PARD3B: variants seen among roughly 807,000 people sequenced by gnomAD.
PARD3B encodes the protein par-3 family cell polarity regulator beta, also known as partitioning defective 3 homolog B.
A neutral mutation model predicts 130.2 loss-of-function variants in PARD3B; 103 were observed. The ratio of observed to expected loss-of-function variants is 0.79; its 90% CI spans 0.67 to 0.93. PARD3B has a LOEUF of 0.93. PARD3B is among the 40% of genes least tolerant of loss of function. The pLI, the probability that PARD3B is intolerant of heterozygous loss-of-function variation, is 0.00. For synonymous variants in PARD3B, 583 were observed against 553.2 expected (o/e 1.05, Z -0.76); for missense variants, 1,609 against 1,499.2 (o/e 1.07, Z -1.21).
At chr2:205,466,979 C>T (rs974323174) in intron 20 of PARD3B, among the ~76,000 whole-genome samples, 6 of 152,242 alleles carry the variant, frequency 3.9e-5, no homozygotes, top group African/African-American at 1.4e-4. Flanking sequence ...TACCAAAGTG[C>T]TGGGATCACA....
rs188240404 is a variant in PARD3B, at chr2:204,890,404, C to T, written c.223-74748C>T. On this transcript the variant is annotated intron_variant, in intron 2 of 22. Transcript: ENST00000406610. The surrounding 1 kb of genome is among the most constrained non-coding windows in gnomAD (Gnocchi z 4.9). ...TTTTCAGCCCCTAGTCAAGAAGTTT[C>T]ATTTGCCTCCACATTCAAGGGTGGG... 2.1e-3 allele frequency among the ~76,000 whole-genome samples: 322 copies of T among 152,298 alleles called. No individual in the cohort carries two copies. Among genetic ancestry groups the T allele is most frequent in the Non-Finnish European group, 2.5e-3 (172 of 68,024 alleles).
At chr2:205,402,857 CA>C (rs2046299563) in intron 19 of PARD3B, among the ~76,000 whole-genome samples, 1 of 152,188 alleles carries the variant, frequency 6.6e-6, no homozygotes, top group South Asian at 2.1e-4. Context: ...TTGTCTCAAT[CA>C]TGTGCTAGAG....
At chr2:204,582,509 C>G (rs73984241) in intron 1 of PARD3B, among the ~76,000 whole-genome samples, 6,819 of 151,976 alleles carry the variant, frequency 0.045, 419 homozygotes, top group East Asian at 0.14. Context: ...AGGTTCCCCC[C>G]CCTCATTTCA....
At position 205,110,310 on chromosome 2, in the gene PARD3B, T is replaced by G. The variant is rs140476907; in HGVS notation, c.594-3181T>G. Among the ~76,000 whole-genome samples, 1,059 of 152,330 alleles carry G rather than the reference T, an allele frequency of 7.0e-3. 14 individuals carry two copies. Among genetic ancestry groups the G allele is most frequent in the African/African-American group, 0.024 (1,000 of 41,574 alleles). ...GTCTTTCTTCTGGATGGAAACCAAATGAAGCCTTTCACTTCTAGCTCTAGC... is the reference window on the plus strand; with the variant it reads ...GTCTTTCTTCTGGATGGAAACCAAAGGAAGCCTTTCACTTCTAGCTCTAGC... On this transcript the variant is annotated intron_variant, in intron 5 of 22. Transcript: ENST00000406610.
In PARD3B at chr2:205,249,938, A is replaced by G. The variant is rs115813300; in HGVS notation, c.2185+4116A>G. Among the ~76,000 whole-genome samples the G allele has an allele frequency of 7.6e-3, 1,128 of 147,940 alleles. 19 individuals carry two copies. The highest frequency in any genetic ancestry group is 0.026 in the African/African-American group (1,059 of 40,770). On this transcript the variant is annotated intron_variant, in intron 16 of 22. Coordinates refer to ENST00000406610, the MANE Select transcript of PARD3B (RefSeq NM_001302769.2). ...AAATTCAAATTCTAGCAATGCCTGG[A>G]GAAAAAAAAAAAACAGAAAAATGTA...
chr2:205,271,532 A>G (rs1337287365), intron 16 of PARD3B, among the ~76,000 whole-genome samples: 1 of 152,260 alleles, frequency 6.6e-6, no homozygotes, highest in African/African-American at 2.4e-5. Flanking sequence ...TCTGATCTAC[A>G]TGAGATAACT....
chr2:205,549,258 C>T (rs944731563), intron 21 of PARD3B, among the ~76,000 whole-genome samples: 1 of 152,142 alleles, frequency 6.6e-6, no homozygotes, highest in Non-Finnish European at 1.5e-5. Flanking sequence ...AACATAGTCT[C>T]ACCATATGAT....
chr2:205,531,643 G>C (rs2051598883), intron 21 of PARD3B, among the ~76,000 whole-genome samples: 1 of 151,992 alleles, frequency 6.6e-6, no homozygotes, highest in Non-Finnish European at 1.5e-5. Context: ...GTAGCATTCA[G>C]ACAGGGCACC....
chr2:204,851,267 C>G lies in PARD3B; in HGVS notation c.223-113885C>G, dbSNP rs2044696565. On this transcript the variant is annotated intron_variant, in intron 2 of 22. Coordinates refer to ENST00000406610, the MANE Select transcript of PARD3B (RefSeq NM_001302769.2). Reference sequence around the variant, plus strand: ...AACAAAAATAGAAAATAATTCAAGTCTGCCTGCCTGTGTGAGTTTGCTATT... The same window carrying G: ...AACAAAAATAGAAAATAATTCAAGTGTGCCTGCCTGTGTGAGTTTGCTATT... 3.9e-5 allele frequency among the ~76,000 whole-genome samples: 6 copies of G among 152,248 alleles called. 1 individual carries two copies. The South Asian group carries it at 1.2e-3, about 32-fold the overall frequency.
At chr2:204,857,925 T>C (rs1450379079) in intron 2 of PARD3B, among the ~76,000 whole-genome samples, 4 of 152,146 alleles carry the variant, frequency 2.6e-5, no homozygotes, top group African/African-American at 4.8e-5. Context: ...GAGACAAACA[T>C]ATCCTTCTAC....
At chr2:205,002,791 C>A (rs753949707) in intron 3 of PARD3B, among the ~76,000 whole-genome samples, 21 of 152,198 alleles carry the variant, frequency 1.4e-4, no homozygotes, top group Non-Finnish European at 1.8e-4. Context: ...ACATTTCTTA[C>A]AATGGGCGGA....
chr2:205,162,011 G>A (rs1319716083), intron 11 of PARD3B, among the ~76,000 whole-genome samples: 1 of 152,092 alleles, frequency 6.6e-6, no homozygotes, highest in Non-Finnish European at 1.5e-5. Context: ...CTAATTGAGG[G>A]CATTGCTTTG....
At chr2:205,466,321 C>T (rs1559120058) in intron 20 of PARD3B, among the ~76,000 whole-genome samples, 1 of 152,186 alleles carries the variant, frequency 6.6e-6, no homozygotes, top group African/African-American at 2.4e-5. Flanking sequence ...AATCCCATTC[C>T]TCTGCAGGTC....
At chr2:204,755,402 T>G (rs1391312741) in intron 2 of PARD3B, among the ~76,000 whole-genome samples, 1 of 152,128 alleles carries the variant, frequency 6.6e-6, no homozygotes, top group Admixed American at 6.6e-5. Context: ...TCATTTAGAA[T>G]TTCAATCCTT....
At chr2:205,194,734 C>G (rs2125809954) in intron 15 of PARD3B, among the ~76,000 whole-genome samples, 1 of 151,884 alleles carries the variant, frequency 6.6e-6, no homozygotes, top group Admixed American at 6.6e-5. Flanking sequence ...AAAATAAAAC[C>G]AAAGACATGT....
intron 18 of PARD3B, among the ~76,000 whole-genome samples, chr2:205,324,839 A>G (rs1259565867): frequency 6.6e-6 from 1 of 152,148 alleles, no homozygotes; most frequent in Non-Finnish European, 1.5e-5. Flanking sequence ...GATGCTTACT[A>G]AACGGTTTTC....
chr2:204,647,394 T>C (rs1175723577), intron 1 of PARD3B, among the ~76,000 whole-genome samples: 1 of 151,934 alleles, frequency 6.6e-6, no homozygotes, highest in African/African-American at 2.4e-5. Flanking sequence ...TGTGCCTTGC[T>C]GCATTTTATG....
chr2:205,164,242 C>A (rs1432401034), intron 11 of PARD3B, among the ~76,000 whole-genome samples: 3 of 152,176 alleles, frequency 2.0e-5, no homozygotes, highest in Admixed American at 2.0e-4. Flanking sequence ...TGTTAATTCA[C>A]ATAGTCAGGC....
chr2:204,740,058 G>T (rs1329144673), intron 2 of PARD3B, among the ~76,000 whole-genome samples: 1 of 151,612 alleles, frequency 6.6e-6, no homozygotes, highest in Non-Finnish European at 1.5e-5. Flanking sequence ...TCATCACCCA[G>T]GCTGGAGTGC....
Sources: allele counts gnomAD v4.1 joint callset (sites outside exome capture counted in the v4.1 genomes callset), GRCh38; gene constraint gnomAD v4.1.1; non-coding constraint Gnocchi (gnomAD v3.1); transcripts MANE v1.5; gene names NCBI Gene and HGNC (gene_info 2026-07-23, HGNC 2026-07-21).